DGKG: variants seen among roughly 807,000 people sequenced by gnomAD.
The protein encoded by DGKG is diacylglycerol kinase gamma, also known as DAG kinase gamma.
In DGKG, 78 loss-of-function variants were observed where a neutral mutation model predicts 105.3. That is an observed-to-expected ratio of 0.74 (90% CI 0.62 to 0.89). DGKG has a LOEUF of 0.89. Ranked by LOEUF, DGKG falls within the 40% of genes least tolerant of loss-of-function variation. The pLI is 0.00. For missense variants in DGKG, 958 were observed against 1,020.1 expected, an observed-to-expected ratio of 0.94 and a Z score of 0.83; for synonymous variants, 346 against 367.1, an observed-to-expected ratio of 0.94 and a Z score of 0.66.
In DGKG at chr3:186,244,816, C is replaced by T. The variant is rs76362335; in HGVS notation, c.1762-2248G>A. ...CCCAGAGAGGCCTCTGTCCCTGAGGCCTATCCAGCCTGCACCGCTTCCCTG... is the reference window on the plus strand; with the variant it reads ...CCCAGAGAGGCCTCTGTCCCTGAGGTCTATCCAGCCTGCACCGCTTCCCTG... On this transcript the variant is annotated intron_variant, in intron 19 of 24. Coordinates refer to ENST00000265022, the MANE Select transcript of DGKG (RefSeq NM_001346.3). Among the ~76,000 whole-genome samples the T allele has an allele frequency of 2.5e-3, 374 of 148,138 alleles. 3 individuals carry two copies. The highest frequency in any genetic ancestry group is 0.018 in the East Asian group (92 of 5,172).
chr3:186,358,506 T>TTGTGTGTGTGTGTGTGTGTGTG (rs142522791), intron 1 of DGKG, among the ~76,000 whole-genome samples: 4,600 of 149,946 alleles, frequency 0.031, 100 homozygotes, highest in African/African-American at 0.047. Context: ...TTCTAACCCT[T>TTGTGTGTGTGTGTGTGTGTGTG]TGTGTGTGTG....
chr3:186,320,423 C>G lies in DGKG; in HGVS notation c.37G>C (p.Glu13Gln). The G allele has an allele frequency of 6.2e-7, 1 of 1,614,184 alleles. No individual in the cohort carries two copies. Among genetic ancestry groups the G allele is most frequent in the Non-Finnish European group, 8.5e-7 (1 of 1,180,026 alleles). Residue 13 changes from glutamate (E) to glutamine (Q), a missense_variant, in exon 2 of 25, where the codon GAA (glutamate) becomes CAA (glutamine). By Grantham distance (29) the Glu-to-Gln change is conservative. Transcript: ENST00000265022. Reference protein sequence around the residue: ...EERWVSLTPEEFDQLQKYSEY... With the variant: ...EERWVSLTPEQFDQLQKYSEY... ...GAATATTTCTGGAGTTGGTCAAATT[C>G]TTCTGGAGTGAGGGAGACCCACCGT...
At chr3:186,285,475 C>T (rs1723019292) in intron 6 of DGKG, among the ~76,000 whole-genome samples, 1 of 152,060 alleles carries the variant, frequency 6.6e-6, no homozygotes, top group Non-Finnish European at 1.5e-5. Context: ...TCTTCAATCA[C>T]GTTCTAACTG....
intron 19 of DGKG, among the ~76,000 whole-genome samples, chr3:186,245,011 G>GA (rs34844531): frequency 6.6e-6 from 1 of 150,702 alleles, no homozygotes; most frequent in Non-Finnish European, 1.5e-5. Flanking sequence ...CGTCTGTCAG[G>GA]AAAAAAAAAG....
intron 21 of DGKG, among the ~76,000 whole-genome samples, chr3:186,201,575 G>A (rs566734209): frequency 2.6e-5 from 4 of 152,292 alleles, no homozygotes; most frequent in East Asian, 1.9e-4. Flanking sequence ...TCCTAGAGAT[G>A]GGCGTGGGAG....
chr3:186,190,809 G>A (rs1717869977), intron 21 of DGKG, among the ~76,000 whole-genome samples: 1 of 152,102 alleles, frequency 6.6e-6, no homozygotes, highest in African/African-American at 2.4e-5. Context: ...CATCATTTGG[G>A]GATTAAGTCA....
intron 24 of DGKG, among the ~76,000 whole-genome samples, chr3:186,155,227 C>A (rs1263216420): frequency 6.6e-6 from 1 of 152,134 alleles, no homozygotes; most frequent in Admixed American, 6.5e-5. Context: ...GAGTCTCGCA[C>A]TGTCGCCTGG....
intron 1 of DGKG, among the ~76,000 whole-genome samples, chr3:186,343,782 T>C (rs770083565): frequency 4.6e-5 from 7 of 152,182 alleles, no homozygotes; most frequent in Non-Finnish European, 7.3e-5. Context: ...AATGTATCCA[T>C]ATATATGTAG....
rs143389592 is a variant in DGKG, at chr3:186,154,369, G to A, written c.2278-4181C>T. ...CGAATGTAAATGGACAAGGCCAGGCGCAGTGGCTCACACCTGTAATCCTGG... is the reference window on the plus strand; with the variant it reads ...CGAATGTAAATGGACAAGGCCAGGCACAGTGGCTCACACCTGTAATCCTGG... On this transcript the variant is annotated intron_variant, in intron 24 of 24. Coordinates refer to ENST00000265022, the MANE Select transcript of DGKG (RefSeq NM_001346.3). 7.6e-4 allele frequency among the ~76,000 whole-genome samples: 115 copies of A among 152,208 alleles called. 1 individual carries two copies. The highest frequency in any genetic ancestry group is 2.7e-3 in the African/African-American group (111 of 41,532).
chr3:186,297,315 T>C (rs781760124), intron 5 of DGKG, 106 bp downstream of exon 5: 3 of 859,856 alleles, frequency 3.5e-6, no homozygotes, highest in African/African-American at 1.7e-5. Flanking sequence ...CTGCATAAGA[T>C]TGCACAATTA....
At chr3:186,246,189 C>T (rs986876215) in intron 19 of DGKG, among the ~76,000 whole-genome samples, 2 of 152,182 alleles carry the variant, frequency 1.3e-5, no homozygotes, top group Non-Finnish European at 2.9e-5. Context: ...CCAGGCTGGT[C>T]TCAAACTCCT....
At chr3:186,265,731 C>T (rs958110558) in intron 13 of DGKG, among the ~76,000 whole-genome samples, 4 of 130,428 alleles carry the variant, frequency 3.1e-5, no homozygotes, top group East Asian at 2.4e-4. Context: ...GGTGTGATCT[C>T]GGCTCACTGC....
intron 20 of DGKG, among the ~76,000 whole-genome samples, chr3:186,222,803 C>A (rs941776049): frequency 9.8e-4 from 149 of 151,584 alleles, no homozygotes; most frequent in Non-Finnish European, 1.0e-3. Flanking sequence ...TACGGTGACA[C>A]CCCATCTCTA....
intron 11 of DGKG, among the ~76,000 whole-genome samples, chr3:186,270,216 T>G (rs1252792818): frequency 6.6e-6 from 1 of 152,086 alleles, no homozygotes; most frequent in African/African-American, 2.4e-5. Context: ...GCCTCGATCC[T>G]CCAGGTTCAA....
chr3:186,319,582 C>A (rs1724985049), intron 2 of DGKG, among the ~76,000 whole-genome samples: 1 of 152,190 alleles, frequency 6.6e-6, no homozygotes, highest in African/African-American at 2.4e-5. Flanking sequence ...CAGCTGAGAG[C>A]TCTACAAGAT....
In DGKG at chr3:186,257,545, C is replaced by A. The variant is rs1023724902; in HGVS notation, c.1510+309G>T. Among the ~76,000 whole-genome samples the A allele has an allele frequency of 3.9e-5, 6 of 152,194 alleles. No individual in the cohort carries two copies. The South Asian group carries it at 6.2e-4, about 16-fold the overall frequency. On this transcript the variant is annotated intron_variant, in intron 17 of 24. Coordinates refer to ENST00000265022, the MANE Select transcript of DGKG (RefSeq NM_001346.3). ...CAAAGGGTCTGCCCAGAATTCCACT[C>A]CTGTCCTCCCACCCCCCAAATCTGG...
At chr3:186,238,350 T>C (rs1283928934) in intron 20 of DGKG, among the ~76,000 whole-genome samples, 1 of 148,984 alleles carries the variant, frequency 6.7e-6, no homozygotes, top group Non-Finnish European at 1.5e-5. Flanking sequence ...AAACAATCCA[T>C]TTGCAAATGA....
At chr3:186,253,647 C>T (rs1721327783) in intron 17 of DGKG, among the ~76,000 whole-genome samples, 1 of 152,196 alleles carries the variant, frequency 6.6e-6, no homozygotes, top group Non-Finnish European at 1.5e-5. Context: ...CCTGAACACG[C>T]TCAATCTCAT....
At chr3:186,184,913 T>C (rs1578635507) in intron 22 of DGKG, among the ~76,000 whole-genome samples, 1 of 151,972 alleles carries the variant, frequency 6.6e-6, no homozygotes, top group South Asian at 2.1e-4. Context: ...CAAAATACAC[T>C]GAGAGAAGGT....
Sources: gnomAD v4.1 joint callset for allele counts (sites outside exome capture counted in the v4.1 genomes callset) on GRCh38, gnomAD v4.1.1 for gene constraint, MANE v1.5 for transcripts, NCBI Gene and HGNC (gene_info 2026-07-23, HGNC 2026-07-21) for gene names.